COL1A1: variants seen among roughly 807,000 people sequenced by gnomAD.
The protein encoded by COL1A1 is collagen alpha-1(I) chain.
COL1A1 carries 21 observed loss-of-function variants against 195.7 expected under a neutral mutation model. That is an observed-to-expected ratio of 0.11 (90% CI 0.08 to 0.15). The LOEUF (loss-of-function observed/expected upper bound fraction) is 0.15. Among genes scored for constraint, COL1A1 ranks in the 10% least tolerant of loss-of-function variants. COL1A1 has a pLI of 1.00. For synonymous variants in COL1A1, 749 were observed against 747.3 expected, an observed-to-expected ratio of 1.00 and a Z score of -0.04; for missense variants, 1,365 against 2,051.0, an observed-to-expected ratio of 0.67 and a Z score of 6.46.
In COL1A1 at chr17:50,195,210, G is replaced by A. The variant is rs770369572; in HGVS notation, c.1299+22C>T. On this transcript the variant is annotated intron_variant, in intron 19 of 50. Coordinates refer to ENST00000225964, the MANE Select transcript of COL1A1 (RefSeq NM_000088.4). The surrounding 1 kb of genome is among the most constrained non-coding windows in gnomAD (Gnocchi z 4.3). ...CTGGAGCCAGTGCATGGGGTGGGCA[G>A]AAGGGAGAGTTTGGTACTCACGCTG... The A allele has an allele frequency of 6.2e-7, 1 of 1,610,878 alleles. No individual in the cohort carries two copies. Among genetic ancestry groups the A allele is most frequent in the Non-Finnish European group, 8.5e-7 (1 of 1,177,608 alleles).
rs1346691372 is a variant in COL1A1 at position 50,194,020 on chromosome 17, G to T, written c.1690C>A (p.Arg564Ser). ...GPPGPAGQDG[R>S]PGPPGPPGAR... is the part of the protein sequence containing the mutation. The stretch of plus-strand genomic sequence containing the variant: ...CCAGGTGGGCCTGGGGGTCCGGGGC[G>T]ACCATCTTGACCGGCGGGACCCTAA... Residue 564 changes from arginine (R) to serine (S), a missense_variant, in exon 25 of 51, where the codon CGC (arginine) becomes AGC (serine). By Grantham distance (110) the Arg-to-Ser change is moderately radical. Coordinates refer to ENST00000225964, the MANE Select transcript of COL1A1 (RefSeq NM_000088.4). The surrounding 1 kb of genome is among the most constrained non-coding windows in gnomAD (Gnocchi z 6.8). The T allele has an allele frequency of 1.2e-6, 2 of 1,614,038 alleles. No homozygotes were observed. The highest frequency in any genetic ancestry group is 1.7e-5 in the Admixed American group (1 of 60,030).
intron 7 of COL1A1, 70 bp from the exon 8 acceptor site, chr17:50,198,072 T>C (rs1454495908): frequency 1.2e-6 from 2 of 1,605,962 alleles, no homozygotes; most frequent in East Asian, 2.2e-5. Flanking sequence ...TACCAAGAGA[T>C]CTCTGAGCAT....
chr17:50,195,904 G>A lies in COL1A1; in HGVS notation c.1056+19C>T, dbSNP rs1293769719. 6.4e-7 allele frequency: 1 copy of A among 1,570,116 alleles called. No homozygotes were observed. Among genetic ancestry groups the A allele is most frequent in the Non-Finnish European group, 8.6e-7 (1 of 1,156,774 alleles). On this transcript the variant is annotated intron_variant, in intron 16 of 50. Coordinates refer to ENST00000225964, the MANE Select transcript of COL1A1 (RefSeq NM_000088.4). The surrounding 1 kb of genome is among the most constrained non-coding windows in gnomAD (Gnocchi z 4.3). ...TTGGCCCATGAGGGTCATGCTTAGA[G>A]GAGAGTGGGGGGTCTCACCTTAGCA... is the stretch of plus-strand genomic sequence containing the variant.
intron 29 of COL1A1, 72 bp from the exon 30 acceptor site, chr17:50,192,096 C>T: frequency 1.3e-6 from 2 of 1,521,888 alleles, no homozygotes; most frequent in Non-Finnish European, 1.8e-6. Context: ...AAAGCACGGT[C>T]CTTCCTCCTG....
At position 50,197,280 on chromosome 17, in the gene COL1A1, G is replaced by A. The variant is rs777336526; in HGVS notation, c.697-47C>T. On this transcript the variant is annotated intron_variant, in intron 9 of 50. Transcript: ENST00000225964. ...ATCATGCCTCTGCCTCCCCACCACC[G>A]CCTAGGGGCTGGAAAAGTGGAGAAG... 4.6e-5 allele frequency: 74 copies of A among 1,594,040 alleles called. 1 individual carries two copies. The highest frequency in any genetic ancestry group is 4.5e-4 in the Admixed American group (27 of 59,940).
At chr17:50,187,573 T>C in intron 45 of COL1A1, 36 bp from the exon 46 acceptor site, 1 of 1,611,560 alleles carries the variant, frequency 6.2e-7, no homozygotes, top group Non-Finnish European at 8.5e-7. Context: ...TCAGGCCCAG[T>C]GAGCGTCAAA....
chr17:50,201,592 G>A lies in COL1A1; in HGVS notation c.-79C>T. 4.5e-6 allele frequency: 6 copies of A among 1,319,834 alleles called. No homozygotes were observed. The highest frequency in any genetic ancestry group is 1.3e-5 in the South Asian group (1 of 75,182). The allele number at this position is 1,319,834 out of a possible 1,614,324, so 81.8% of individuals were successfully genotyped here. The stretch of plus-strand genomic sequence containing the variant: ...GCTCATGCGTGGCCTCACACTCCGC[G>A]TGCCTCCTGCTCCGACCCCGAGGAG... On this transcript the variant is annotated 5_prime_UTR_variant, in exon 1 of 51. It adds an upstream start codon to the 5' untranslated region. Coordinates refer to ENST00000225964, the MANE Select transcript of COL1A1 (RefSeq NM_000088.4).
chr17:50,187,055 G>T lies in COL1A1; in HGVS notation c.3491C>A (p.Pro1164His), dbSNP rs1906609792. ...GLNGLPGPIG[P>H]PGPRGRTGDA... ...ACCAGTGCGACCGCGAGGACCAGGG[G>T]GCCCAATGGGGCCAGGGAGACCGTT... Residue 1164 changes from proline (P) to histidine (H), a missense_variant, in exon 47 of 51, where the codon CCC becomes CAC. Coordinates refer to ENST00000225964, the MANE Select transcript of COL1A1 (RefSeq NM_000088.4). 2 of 1,613,836 alleles carry T rather than the reference G, an allele frequency of 1.2e-6. No individual in the cohort carries two copies. Among genetic ancestry groups the T allele is most frequent in the Non-Finnish European group, 1.7e-6 (2 of 1,179,922 alleles).
In COL1A1 at chr17:50,199,746, G is replaced by T. The variant is rs41317345; in HGVS notation, c.298+7C>A. ...CCCCAGGCCCCAGGCCCCGAGCGCA[G>T]CCGCACCTGAGCCGTCGGGGCAGAC... is the stretch of plus-strand genomic sequence containing the variant. On this transcript the variant is annotated splice_region_variant and intron_variant, in intron 2 of 50. Transcript: ENST00000225964. 3,874 of 1,610,402 alleles carry T rather than the reference G, an allele frequency of 2.4e-3. 72 individuals carry two copies. The African/African-American group carries it at 0.042, about 18-fold the overall frequency.
intron 5 of COL1A1, among the ~76,000 whole-genome samples, chr17:50,198,923 C>T (rs1907825382): frequency 6.6e-6 from 1 of 152,112 alleles, no homozygotes; most frequent in South Asian, 2.1e-4. Context: ...TGAATTTAAT[C>T]ATTGTGTAGG....
In COL1A1 at chr17:50,199,596, G is replaced by A. The variant is rs937974106; in HGVS notation, c.299-6C>T. On this transcript the variant is annotated splice_polypyrimidine_tract_variant and splice_region_variant and intron_variant, in intron 2 of 50. Transcript: ENST00000225964. ...TTCTTGGTCGGTGGGTGACTCTAGG[G>A]GACGAAGAGACGCGCGTTAGAGCCA... The A allele has an allele frequency of 1.2e-6, 2 of 1,614,090 alleles. No individual in the cohort carries two copies. The highest frequency in any genetic ancestry group is 1.3e-5 in the African/African-American group (1 of 75,010).
chr17:50,193,825 G>A (rs969437722), intron 25 of COL1A1, 118 bp downstream of exon 25: 1 of 893,110 alleles, frequency 1.1e-6, no homozygotes, highest in African/African-American at 1.7e-5. Context: ...GGTCCAGAAA[G>A]TGAGAGTGAG....
chr17:50,201,574 C>G lies in COL1A1; in HGVS notation c.-61G>C. 2.0e-6 allele frequency: 3 copies of G among 1,464,930 alleles called. No individual in the cohort carries two copies. The highest frequency in any genetic ancestry group is 3.9e-5 in the Admixed American group (2 of 51,400). The allele number at this position is 1,464,930 out of a possible 1,614,324, so 90.7% of individuals were successfully genotyped here. ...GGGAGGGGGTTAGCGTCCGCTCATG[C>G]GTGGCCTCACACTCCGCGTGCCTCC... On this transcript the variant is annotated 5_prime_UTR_variant, in exon 1 of 51. Transcript: ENST00000225964.
intron 29 of COL1A1, 135 bp from the exon 30 acceptor site, chr17:50,192,159 T>C (rs1567757901): frequency 2.1e-6 from 2 of 971,796 alleles, no homozygotes; most frequent in Non-Finnish European, 3.1e-6. Flanking sequence ...ATTGAGATTA[T>C]CCCAAACAGC....
At position 50,199,250 on chromosome 17, in the gene COL1A1, A is replaced by G. The variant is rs1165859498; in HGVS notation, c.447T>C (p.Pro149=). 4 of 1,471,670 alleles carry G rather than the reference A, an allele frequency of 2.7e-6. No homozygotes were observed. The highest frequency in any genetic ancestry group is 2.7e-5 in the South Asian group (2 of 73,852). The allele number at this position is 1,471,670 out of a possible 1,614,324, so 91.2% of individuals were successfully genotyped here. The change falls in exon 5 of 51, where the codon CCT becomes CCC. Residue 149 remains proline (P), a synonymous_variant. Transcript: ENST00000225964. The stretch of plus-strand genomic sequence containing the variant: ...CTCCTCCGAGGCCAGGGGGTCCGGG[A>G]GGTCCGGGGGGTCCGGGGGGTCCGG... ...GLPGPPGPPG[P]PGPPGLGGNF...
intron 1 of COL1A1, 97 bp from the exon 2 acceptor site, chr17:50,200,044 C>A (rs1422028711): frequency 8.0e-7 from 1 of 1,243,908 alleles, no homozygotes; most frequent in Admixed American, 1.7e-5. Context: ...GGATTTTTCA[C>A]TTCCCGCCCC....
intron 1 of COL1A1, 154 bp from the exon 2 acceptor site, chr17:50,200,101 T>G (rs1474614646): frequency 1.2e-6 from 1 of 838,524 alleles, no homozygotes; most frequent in Admixed American, 2.0e-5. Context: ...CGCCTGCTCC[T>G]CATCAGCGCG....
At position 50,199,578 on chromosome 17, in the gene COL1A1, T is replaced by C; in HGVS notation, c.311A>G (p.Asp104Gly). ...VCPDGSESPT[D>G]QETTGVEGPK... is the part of the protein sequence containing the mutation. Reference sequence around the variant, plus strand: ...TACCTCGACGCCGGTGGTTTCTTGGTCGGTGGGTGACTCTAGGGGACGAAG... The same window carrying C: ...TACCTCGACGCCGGTGGTTTCTTGGCCGGTGGGTGACTCTAGGGGACGAAG... The change falls in exon 3 of 51, where the codon GAC becomes GGC. Residue 104 changes from aspartate to glycine, a missense_variant. Around this residue, in one of 5 missense-constraint regions of COL1A1, gnomAD observed 194 missense variants for 221.7 expected, o/e 0.88. Transcript: ENST00000225964. 1.2e-6 allele frequency: 2 copies of C among 1,614,078 alleles called. No individual in the cohort carries two copies. The highest frequency in any genetic ancestry group is 1.7e-6 in the Non-Finnish European group (2 of 1,179,956).
intron 9 of COL1A1, 76 bp downstream of exon 9, chr17:50,197,656 G>A: frequency 8.4e-7 from 1 of 1,183,854 alleles, no homozygotes; most frequent in South Asian, 1.5e-5. Flanking sequence ...TCCCAAATGT[G>A]GTGGAGTGGA....
Sources: allele counts gnomAD v4.1 joint callset (sites outside exome capture counted in the v4.1 genomes callset), GRCh38; gene constraint gnomAD v4.1.1; regional missense constraint gnomAD v4.1.1; non-coding constraint Gnocchi (gnomAD v3.1); transcripts MANE v1.5; gene names NCBI Gene and HGNC (gene_info 2026-07-23, HGNC 2026-07-21).